Variants in COL6A5 observed in about 807,000 individuals in gnomAD.
The protein encoded by COL6A5 is collagen type VI alpha 5 chain.
In COL6A5, 48 loss-of-function variants were observed where a neutral mutation model predicts 65.6. That is an observed-to-expected ratio of 0.73 (90% CI 0.58 to 0.93). The LOEUF is 0.93. Ranked by LOEUF, COL6A5 falls within the 40% of genes least tolerant of loss-of-function variation. COL6A5 has a pLI of 0.00. For synonymous variants in COL6A5, 291 were observed against 322.8 expected (o/e 0.90, Z 1.05); for missense variants, 914 against 928.3 (o/e 0.98, Z 0.20).
intron 27 of COL6A5, among the ~76,000 whole-genome samples, 176 bp from the exon 28 acceptor site, chr3:130,422,544 A>G (rs1027352658): frequency 6.6e-6 from 1 of 151,998 alleles, no homozygotes; most frequent in African/African-American, 2.4e-5. Context: ...TTGAAGAATA[A>G]GTGTACCAAT....
chr3:130,447,016 T>C (rs1709322297), intron 4 of COL6A5, among the ~76,000 whole-genome samples: 1 of 152,174 alleles, frequency 6.6e-6, no homozygotes, highest in Non-Finnish European at 1.5e-5. Flanking sequence ...TAAAGTGCGA[T>C]TGGCCCGTTC....
At chr3:130,429,658 G>A, upstream of COL6A5, 1 of 1,302,660 alleles carries the variant, frequency 7.7e-7, no homozygotes, top group Admixed American at 2.5e-5. Flanking sequence ...TCTGAAAGAT[G>A]CCCTCAACTC....
chr3:130,383,846 G>A (rs929324944), intron 4 of COL6A5, among the ~76,000 whole-genome samples: 1 of 151,990 alleles, frequency 6.6e-6, no homozygotes, highest in Non-Finnish European at 1.5e-5. Flanking sequence ...AAGGAACATT[G>A]AGAAGTCTTT....
chr3:130,395,108 CA>C, exon 8 of COL6A5: 1 of 1,551,652 alleles, frequency 6.4e-7, no homozygotes, highest in African/African-American at 1.4e-5. Context: ...GTGGAAGACT[CA>C]AATTCAGAAT....
intron 7 of COL6A5, among the ~76,000 whole-genome samples, chr3:130,479,427 A>AAAC (rs1316733795): frequency 6.7e-6 from 1 of 149,670 alleles, no homozygotes; most frequent in Non-Finnish European, 1.5e-5. Context: ...GGCAAAACAA[A>AAAC]AACAAAAACA....
At position 130,391,428 on chromosome 3, in the gene COL6A5, G is replaced by A. The variant is rs1245833893; in HGVS notation, c.2666G>A (p.Gly889Glu). 1.9e-6 allele frequency: 3 copies of A among 1,551,654 alleles called. No individual in the cohort carries two copies. In the Admixed American group the frequency reaches 5.9e-5, roughly 30 times the overall value. Residue 889 changes from glycine (G) to glutamate (E), a missense_variant and NMD_transcript_variant, in exon 7 of 42, where the codon GGG becomes GAG. By Grantham distance (98) the Gly-to-Glu change is moderately conservative. Transcript: ENST00000312481. ...CTGCGGAAGCGCAGGGACACTGGAG[G>A]GAACACCTACACTGCCAAGGCTCTC...
intron 1 of COL6A5, among the ~76,000 whole-genome samples, chr3:130,371,965 A>AT (rs1489282189): frequency 6.6e-6 from 1 of 152,184 alleles, no homozygotes; most frequent in Non-Finnish European, 1.5e-5. Flanking sequence ...TCTAGAGTAT[A>AT]TAAAGAATTT....
chr3:130,368,893 G>A (rs1229087695), intron 1 of COL6A5, among the ~76,000 whole-genome samples: 1 of 152,180 alleles, frequency 6.6e-6, no homozygotes, highest in South Asian at 2.1e-4. Context: ...ATGGGATAAG[G>A]CACCAGGGAG....
At chr3:130,422,774 G>T in exon 28 of COL6A5, 1 of 1,504,082 alleles carries the variant, frequency 6.6e-7, no homozygotes, top group East Asian at 2.6e-5. Flanking sequence ...AGGATTTAGG[G>T]GACTAGCAGT....
chr3:130,448,532 C>T (rs1180129496), intron 4 of COL6A5, among the ~76,000 whole-genome samples: 1 of 152,134 alleles, frequency 6.6e-6, no homozygotes, highest in African/African-American at 2.4e-5. Flanking sequence ...TATCGACCAC[C>T]ATTCCTAAAT....
intron 4 of COL6A5, among the ~76,000 whole-genome samples, chr3:130,448,634 T>G (rs1709358688): frequency 6.6e-6 from 1 of 152,134 alleles, no homozygotes; most frequent in South Asian, 2.1e-4. Context: ...AACAGTCAAT[T>G]AATTCTTTAT....
chr3:130,429,123 A>G (rs142347807), upstream of COL6A5, among the ~76,000 whole-genome samples: 470 of 152,308 alleles, frequency 3.1e-3, 4 homozygotes, highest in African/African-American at 0.01. Flanking sequence ...AAATCCCCCT[A>G]TGGTTGTATG....
chr3:130,369,238 G>C (rs148919426), intron 1 of COL6A5, among the ~76,000 whole-genome samples: 32 of 152,286 alleles, frequency 2.1e-4, no homozygotes, highest in Non-Finnish European at 3.7e-4. Context: ...CAAAAGGAGA[G>C]AAAGATAAAT....
chr3:130,348,277 C>G (rs1198923194), intron 1 of COL6A5, among the ~76,000 whole-genome samples: 1 of 152,172 alleles, frequency 6.6e-6, no homozygotes, highest in Non-Finnish European at 1.5e-5. Context: ...TTCCCTTTCC[C>G]CCAACTCCCT....
At chr3:130,480,708 AGAT>A (rs554674399) in intron 7 of COL6A5, among the ~76,000 whole-genome samples, 240 of 152,264 alleles carry the variant, frequency 1.6e-3, no homozygotes, top group African/African-American at 5.6e-3. Flanking sequence ...GGCAAGAAGT[AGAT>A]GTTTTGTTTT....
chr3:130,359,584 G>C (rs1935041292), intron 1 of COL6A5, among the ~76,000 whole-genome samples: 1 of 151,680 alleles, frequency 6.6e-6, no homozygotes, highest in Non-Finnish European at 1.5e-5. Context: ...ATTTTATTAT[G>C]GTAAGAGAAT....
At chr3:130,362,571 C>T (rs1455797523) in intron 1 of COL6A5, among the ~76,000 whole-genome samples, 1 of 151,886 alleles carries the variant, frequency 6.6e-6, no homozygotes, top group Non-Finnish European at 1.5e-5. Context: ...AGTGTCAGTC[C>T]TCCAACTTTG....
exon 6 of COL6A5, chr3:130,388,621 A>G: frequency 6.5e-7 from 1 of 1,549,512 alleles, no homozygotes. Flanking sequence ...TCTGGTGGAC[A>G]GTTCTTGGAG....
exon 4 of COL6A5, chr3:130,380,020 T>C: frequency 6.5e-7 from 1 of 1,540,892 alleles, no homozygotes; most frequent in Non-Finnish European, 8.7e-7. Flanking sequence ...AATTTCTACT[T>C]ATGCTGAACA....
Sources: allele counts gnomAD v4.1 joint callset (sites outside exome capture counted in the v4.1 genomes callset), GRCh38; gene constraint gnomAD v4.1.1; transcripts MANE v1.5; gene names NCBI Gene and HGNC (gene_info 2026-07-23, HGNC 2026-07-21).